Variants in NFIA observed in about 807,000 individuals in gnomAD.
NFIA encodes the protein nuclear factor I A.
Under a neutral mutation model 62.8 loss-of-function variants are expected in NFIA, and 8 were observed. The ratio of observed to expected loss-of-function variants is 0.13; its 90% CI spans 0.07 to 0.23. NFIA has a LOEUF of 0.23. Ranked by LOEUF, NFIA falls within the 10% of genes least tolerant of loss-of-function variation. NFIA has a pLI of 1.00. For synonymous variants in NFIA, 235 were observed against 238.1 expected, an observed-to-expected ratio of 0.99 and a Z score of 0.12; for missense variants, 410 against 642.1, an observed-to-expected ratio of 0.64 and a Z score of 3.91.
At chr1:61,311,348 G>A (rs1020407937) in intron 3 of NFIA, among the ~76,000 whole-genome samples, 5 of 152,102 alleles carry the variant, frequency 3.3e-5, no homozygotes, top group African/African-American at 9.6e-5. Context: ...CCGAGATCGC[G>A]ACATTGCACT....
intron 2 of NFIA, among the ~76,000 whole-genome samples, chr1:61,089,129 T>C (rs1362202239): frequency 2.6e-5 from 4 of 152,104 alleles, no homozygotes; most frequent in Admixed American, 2.6e-4. Context: ...AATTAAGAAG[T>C]TGGAGGTAGA....
At chr1:61,333,586 T>C (rs1037013529) in intron 4 of NFIA, among the ~76,000 whole-genome samples, 2 of 152,242 alleles carry the variant, frequency 1.3e-5, no homozygotes, top group African/African-American at 2.4e-5. Flanking sequence ...CCAGGCACTG[T>C]CGTAGGCCTT....
chr1:61,133,885 T>G (rs563180892), intron 2 of NFIA, among the ~76,000 whole-genome samples: 1 of 152,048 alleles, frequency 6.6e-6, no homozygotes, highest in East Asian at 1.9e-4. Flanking sequence ...CTCACACCTG[T>G]AATCCTAGCA....
upstream of NFIA, chr1:61,077,719 CTAAAA>C (rs1219614738): frequency 3.9e-6 from 4 of 1,032,998 alleles, no homozygotes; most frequent in Middle Eastern, 3.2e-4. Flanking sequence ...ATGGCTAAGA[CTAAAA>C]TTTCTCTAGC....
At chr1:61,308,472 G>A (rs1659922810) in intron 3 of NFIA, among the ~76,000 whole-genome samples, 1 of 152,224 alleles carries the variant, frequency 6.6e-6, no homozygotes, top group Non-Finnish European at 1.5e-5. Context: ...TCTCAGGTGT[G>A]TATAATCCAG....
chr1:61,089,654 A>G (rs1570125995), intron 2 of NFIA, among the ~76,000 whole-genome samples: 1 of 146,436 alleles, frequency 6.8e-6, no homozygotes, highest in Admixed American at 6.8e-5. Context: ...GAATCCTACC[A>G]GTAGGTTGTT....
intron 5 of NFIA, among the ~76,000 whole-genome samples, chr1:61,353,764 C>A (rs1452219857): frequency 6.6e-6 from 1 of 152,132 alleles, no homozygotes; most frequent in Non-Finnish European, 1.5e-5. Flanking sequence ...CTATCAAATC[C>A]TACCATCATC....
intron 4 of NFIA, among the ~76,000 whole-genome samples, chr1:61,339,300 G>C (rs1661777918): frequency 6.6e-6 from 1 of 152,174 alleles, no homozygotes; most frequent in Non-Finnish European, 1.5e-5. Flanking sequence ...AGACAAAAGA[G>C]TGGGTGGCCC....
At chr1:61,358,906 G>C (rs142388715) in intron 5 of NFIA, among the ~76,000 whole-genome samples, 1 of 152,298 alleles carries the variant, frequency 6.6e-6, no homozygotes, top group African/African-American at 2.4e-5. Flanking sequence ...ACAGGATGTG[G>C]CAGCAGCAGC....
chr1:61,301,227 CT>C (rs1363869205), intron 3 of NFIA, among the ~76,000 whole-genome samples: 3 of 152,110 alleles, frequency 2.0e-5, no homozygotes, highest in African/African-American at 7.2e-5. Context: ...AAGATAGCTT[CT>C]TTTAGGGCCC....
At chr1:61,433,093 C>T (rs1667175617) in intron 10 of NFIA, among the ~76,000 whole-genome samples, 1 of 152,208 alleles carries the variant, frequency 6.6e-6, no homozygotes, top group Non-Finnish European at 1.5e-5. Flanking sequence ...ACCATTTTCT[C>T]TTTAAAAGAG....
At chr1:61,135,145 A>G (rs1322408747) in intron 2 of NFIA, among the ~76,000 whole-genome samples, 1 of 152,248 alleles carries the variant, frequency 6.6e-6, no homozygotes, top group Non-Finnish European at 1.5e-5. Context: ...AACTGTGTAT[A>G]GGCTGCAGCA....
chr1:61,146,655 G>A (rs1648017526), intron 2 of NFIA, among the ~76,000 whole-genome samples: 1 of 152,096 alleles, frequency 6.6e-6, no homozygotes, highest in Non-Finnish European at 1.5e-5. Context: ...CTCTGTGTAA[G>A]TGACTCCATG....
At chr1:61,148,728 C>T (rs970009944) in intron 2 of NFIA, among the ~76,000 whole-genome samples, 2 of 152,172 alleles carry the variant, frequency 1.3e-5, no homozygotes, top group African/African-American at 4.8e-5. Context: ...AAGTTAGCAG[C>T]AGATTCTCTT....
intron 3 of NFIA, among the ~76,000 whole-genome samples, chr1:61,331,178 A>G (rs1163474079): frequency 2.0e-5 from 3 of 152,172 alleles, no homozygotes; most frequent in Admixed American, 1.3e-4. Context: ...ATTATTGTCT[A>G]TCCTAAAACT....
At chr1:61,452,536 C>A (rs1246449238) in intron 10 of NFIA, among the ~76,000 whole-genome samples, 1 of 152,094 alleles carries the variant, frequency 6.6e-6, no homozygotes, top group Non-Finnish European at 1.5e-5. Flanking sequence ...TTATTAAAGA[C>A]CCCCAACCTC....
chr1:61,376,808 A>G (rs966396133), intron 6 of NFIA, among the ~76,000 whole-genome samples: 3 of 152,340 alleles, frequency 2.0e-5, no homozygotes, highest in South Asian at 2.1e-4. Flanking sequence ...CTGCAGTACC[A>G]TCTAATAGCT....
At chr1:61,369,956 A>G (rs1663797926) in intron 6 of NFIA, among the ~76,000 whole-genome samples, 1 of 152,158 alleles carries the variant, frequency 6.6e-6, no homozygotes, top group Non-Finnish European at 1.5e-5. Context: ...CCATCAGTTT[A>G]TATGGAAATA....
intron 7 of NFIA, among the ~76,000 whole-genome samples, chr1:61,400,574 A>G (rs1317832663): frequency 1.3e-5 from 2 of 152,238 alleles, no homozygotes; most frequent in East Asian, 1.9e-4. Flanking sequence ...TCAAGTAAAT[A>G]ATGCACATTT....
Sources: allele counts gnomAD v4.1 joint callset (sites outside exome capture counted in the v4.1 genomes callset), GRCh38; gene constraint gnomAD v4.1.1; transcripts MANE v1.5; gene names NCBI Gene and HGNC (gene_info 2026-07-23, HGNC 2026-07-21).